SP7: variants seen among roughly 807,000 people sequenced by gnomAD.
SP7 encodes the protein transcription factor Sp7.
SP7 carries 13 observed loss-of-function variants against 27.9 expected under a neutral mutation model. That is an observed-to-expected ratio of 0.47 (90% confidence interval 0.30 to 0.74). SP7 has a LOEUF of 0.74. Ranked by LOEUF, SP7 falls within the 30% of genes least tolerant of loss-of-function variation. The pLI is 0.06. For missense variants in SP7, 525 were observed against 558.0 expected (o/e 0.94, Z 0.60); for synonymous variants, 219 against 226.7 (o/e 0.97, Z 0.31).
Position 53,329,314 on chromosome 12 carries a change from C to CCAGAA in SP7, c.127_128insTTCTG (p.Gly43ValfsTer71), listed in dbSNP as rs1944675965. On this transcript the variant is annotated frameshift_variant, in exon 3 of 3. Transcript: ENST00000536324. LOFTEE classifies it high-confidence loss of function. ...GCCCACAGAGTACGGCTTCTTTGTG[C>CCAGAA]CTGCTTTGCCCAGAGTTGTTGAGTC... 1.9e-6 allele frequency: 3 copies of CCAGAA among 1,613,926 alleles called. No individual in the cohort carries two copies. In the East Asian group the frequency reaches 6.7e-5, roughly 36 times the overall value.
intron 2 of SP7, among the ~76,000 whole-genome samples, chr12:53,333,567 C>T (rs1379763126): frequency 2.6e-5 from 4 of 152,106 alleles, no homozygotes; most frequent in African/African-American, 9.7e-5. Context: ...AGTCAAGGTC[C>T]CATTTTCCAG....
Position 53,328,028 on chromosome 12 carries a change from G to C in SP7, c.*118C>G, listed in dbSNP as rs1944651874. 9.2e-7 allele frequency: 1 copy of C among 1,084,510 alleles called. No homozygotes were observed. Among genetic ancestry groups the C allele is most frequent in the African/African-American group, 1.6e-5 (1 of 62,940 alleles). The allele number at this position is 1,084,510 out of a possible 1,614,324, so 67.2% of individuals were successfully genotyped here. On this transcript the variant is annotated 3_prime_UTR_variant, in exon 3 of 3. Coordinates refer to ENST00000536324, the MANE Select transcript of SP7 (RefSeq NM_001173467.3). This position sits in a 1 kb window ranked among gnomAD's most constrained non-coding sequence, Gnocchi z 5.1. ...CCAGAATGGCCAGGAGGGAGACAGA[G>C]GGAGAGAGCCCCGAAGGATGGCATG...
chr12:53,329,441 T>C, intron 2 of SP7, 21 bp from the exon 3 acceptor site: 1 of 1,609,982 alleles, frequency 6.2e-7, no homozygotes, highest in Non-Finnish European at 8.5e-7. Flanking sequence ...AGGGACGCAC[T>C]GCTTAGGGAG....
intron 1 of SP7, among the ~76,000 whole-genome samples, chr12:53,343,120 A>T (rs1159902193): frequency 3.3e-4 from 50 of 149,550 alleles, no homozygotes; most frequent in African/African-American, 1.2e-3. Flanking sequence ...ACATGACGAA[A>T]CCCCATCTCT....
upstream of SP7, among the ~76,000 whole-genome samples, chr12:53,337,789 C>T (rs2136849981): frequency 6.6e-6 from 1 of 152,170 alleles, no homozygotes. Flanking sequence ...TGATTTACCT[C>T]AAGGAACTCT....
At chr12:53,340,555 C>A (rs892731983), upstream of SP7, among the ~76,000 whole-genome samples, 1 of 152,174 alleles carries the variant, frequency 6.6e-6, no homozygotes, top group Non-Finnish European at 1.5e-5. Context: ...TACCCCCACC[C>A]AGGCCCCCGC....
At position 53,328,455 on chromosome 12, in the gene SP7, G is replaced by A. The variant is rs762746999; in HGVS notation, c.987C>T (p.Leu329=). Residue 329 remains leucine (L), a synonymous_variant, in exon 3 of 3, where the codon CTC becomes CTT. Coordinates refer to ENST00000536324, the MANE Select transcript of SP7 (RefSeq NM_001173467.3). This position sits in a 1 kb window ranked among gnomAD's most constrained non-coding sequence, Gnocchi z 5.1. The part of the protein sequence containing the change: ...TGERPFVCNW[L]FCGKRFTRSD... ...AACGAGTGAACCTCTTGCCGCAGAA[G>A]AGCCAGTTGCAGACGAAGGGCCTCT... is the stretch of plus-strand genomic sequence containing the variant. 21 of 1,613,964 alleles carry A rather than the reference G, an allele frequency of 1.3e-5. No homozygotes were observed. Among genetic ancestry groups the A allele is most frequent in the Non-Finnish European group, 1.7e-5 (20 of 1,179,894 alleles).
intron 1 of SP7, 34 bp downstream of exon 1, chr12:53,336,112 G>A (rs1944767914): frequency 5.7e-6 from 1 of 174,486 alleles, no homozygotes; most frequent in South Asian, 1.2e-4. Context: ...GGCATCTGTG[G>A]GCACCCCTCC....
rs1192130829 is a variant in SP7 at position 53,328,345 on chromosome 12, C to T, written c.1097G>A (p.Ser366Asn). The change falls in exon 3 of 3, where the codon AGC becomes AAC. Residue 366 changes from serine (S) to asparagine (N), a missense_variant. Coordinates refer to ENST00000536324, the MANE Select transcript of SP7 (RefSeq NM_001173467.3). The surrounding 1 kb of genome is among the most constrained non-coding windows in gnomAD (Gnocchi z 5.1). ...CLLCSKRFTR[S>N]DHLSKHQRTH... ...GCGCTGGTGTTTGCTCAGGTGGTCG[C>T]TTCGGGTAAAGCGCTTGGAGCAGAG... 1.9e-6 allele frequency: 3 copies of T among 1,612,158 alleles called. No individual in the cohort carries two copies. Among genetic ancestry groups the T allele is most frequent in the Non-Finnish European group, 2.5e-6 (3 of 1,178,536 alleles).
intron 2 of SP7, among the ~76,000 whole-genome samples, chr12:53,330,071 CAA>C (rs1330481309): frequency 6.6e-6 from 1 of 151,804 alleles, no homozygotes; most frequent in Non-Finnish European, 1.5e-5. Flanking sequence ...TTTTTTGAGA[CAA>C]AGTCTTGTTC....
rs757235757 is a variant in SP7, at chr12:53,329,010, A to G, written c.432T>C (p.His144=). ...PYGSWYKAGI[H]AGISPGPGNT... is the part of the protein sequence containing the mutation. ...TGCCTGGGCCTGGTGAAATGCCTGC[A>G]TGGATGCCTGCCTTGTACCAGGAGC... Residue 144 remains histidine, a synonymous_variant, in exon 3 of 3, where the codon CAT becomes CAC. Transcript: ENST00000536324. The G allele has an allele frequency of 9.3e-6, 15 of 1,613,562 alleles. No homozygotes were observed. The East Asian group carries it at 2.0e-4, about 22-fold the overall frequency.
chr12:53,336,874 A>C (rs1944777499), upstream of SP7, among the ~76,000 whole-genome samples: 1 of 152,098 alleles, frequency 6.6e-6, no homozygotes, highest in Admixed American at 6.6e-5. Flanking sequence ...GAAGGGTTGA[A>C]GAGTTGGGGA....
At chr12:53,334,189 A>G (rs1265450955) in intron 2 of SP7, among the ~76,000 whole-genome samples, 1 of 152,186 alleles carries the variant, frequency 6.6e-6, no homozygotes, top group Non-Finnish European at 1.5e-5. Flanking sequence ...CCCTGGCTGG[A>G]TACAGAGTGT....
chr12:53,336,638 G>A (rs76538710), upstream of SP7, among the ~76,000 whole-genome samples: 288 of 152,098 alleles, frequency 1.9e-3, 7 homozygotes, highest in East Asian at 0.04. Flanking sequence ...GGAGGCACAC[G>A]CACCACACCC....
In SP7 at chr12:53,335,663, G is replaced by T; in HGVS notation, c.-17C>A. ...GGACGCCATCCTGAGGCTGGGGAAC[G>T]GGTCCCAAGGAGCCAGGCAGATGGA... On this transcript the variant is annotated 5_prime_UTR_variant, in exon 2 of 3. Coordinates refer to ENST00000536324, the MANE Select transcript of SP7 (RefSeq NM_001173467.3). 2 of 1,545,480 alleles carry T rather than the reference G, an allele frequency of 1.3e-6. No homozygotes were observed.
intron 2 of SP7, among the ~76,000 whole-genome samples, chr12:53,331,714 A>C (rs1944707643): frequency 6.6e-6 from 1 of 152,158 alleles, no homozygotes. Flanking sequence ...CTATACAGTT[A>C]TATGGGTATG....
intron 2 of SP7, among the ~76,000 whole-genome samples, chr12:53,334,260 A>T (rs1944740105): frequency 6.7e-6 from 1 of 150,242 alleles, no homozygotes. Context: ...CTCAGCCACA[A>T]ATTCACTATC....
At chr12:53,342,057 C>CAAA (rs71068110) in intron 1 of SP7, among the ~76,000 whole-genome samples, 3 of 143,456 alleles carry the variant, frequency 2.1e-5, no homozygotes, top group South Asian at 4.4e-4. Context: ...GACTCCGTCT[C>CAAA]AAAAAAAAAA....
Position 53,328,563 on chromosome 12 carries a change from G to A in SP7, c.879C>T (p.Ile293=). The change falls in exon 3 of 3, where the codon ATC becomes ATT. Residue 293 remains isoleucine, a synonymous_variant. Coordinates refer to ENST00000536324, the MANE Select transcript of SP7 (RefSeq NM_001173467.3). The surrounding 1 kb of genome is among the most constrained non-coding windows in gnomAD (Gnocchi z 5.1). ...AAAAGLRKKP[I]HSCHIPGCGK... is the part of the protein sequence containing the mutation. ...CGCAGCCAGGGATGTGGCAGCTGTG[G>A]ATGGGCTTCTTCCGCAGCCCAGCCG... 6.2e-7 allele frequency: 1 copy of A among 1,611,516 alleles called. No homozygotes were observed. The highest frequency in any genetic ancestry group is 1.1e-5 in the South Asian group (1 of 91,052).
Sources: gnomAD v4.1 joint callset for allele counts (sites outside exome capture counted in the v4.1 genomes callset) on GRCh38, gnomAD v4.1.1 for gene constraint, Gnocchi (gnomAD v3.1) non-coding constraint, MANE v1.5 for transcripts, NCBI Gene and HGNC (gene_info 2026-07-23, HGNC 2026-07-21) for gene names.